The following GBP2 variants were observed in gnomAD, a reference collection of about 807,000 sequenced individuals.
The protein encoded by GBP2 is guanylate-binding protein 2.
Under a neutral mutation model 60.8 loss-of-function variants are expected in GBP2, and 54 were observed. The observed-to-expected ratio is 0.89, with a 90% CI of 0.71 to 1.11. GBP2 has a LOEUF of 1.11. Among genes scored for constraint, GBP2 ranks in the 50% most tolerant of loss-of-function variants. The pLI, the probability that GBP2 is intolerant of heterozygous loss-of-function variation, is 0.00. For missense variants in GBP2, 665 were observed against 703.3 expected (o/e 0.95, Z 0.62); for synonymous variants, 243 against 256.5 (o/e 0.95, Z 0.50).
At position 89,121,172 on chromosome 1, in the gene GBP2, C is replaced by T. The variant is rs375271390; in HGVS notation, c.289G>A (p.Asp97Asn). ...KKPEHTLVLL[D>N]TEGLGDIEKG... Reference sequence around the variant, plus strand: ...TCTATATCTCCCAGGCCCTCAGTGTCGAGCAGAACTAGGGTGTGTTCTGGC... The same window carrying T: ...TCTATATCTCCCAGGCCCTCAGTGTTGAGCAGAACTAGGGTGTGTTCTGGC... Residue 97 changes from aspartate (D) to asparagine (N), a missense_variant, in exon 3 of 11, where the codon GAC becomes AAC. Physicochemically the swap from Asp to Asn is conservative, Grantham distance 23. Transcript: ENST00000370466. 27 of 1,612,570 alleles carry T rather than the reference C, an allele frequency of 1.7e-5. No homozygotes were observed. Among genetic ancestry groups the T allele is most frequent in the African/African-American group, 1.2e-4 (9 of 74,776 alleles).
rs150998626 is a variant in GBP2, at chr1:89,119,955, T to C, written c.428+224A>G. The C allele has an allele frequency of 9.7e-4, 491 of 504,460 alleles. 2 individuals are homozygous for C. The highest frequency in any genetic ancestry group is 7.8e-3 in the African/African-American group (400 of 51,510). 31.2% of individuals were successfully genotyped at this position (504,460 alleles called of 1,614,324 possible). On this transcript the variant is annotated intron_variant, in intron 4 of 10. Coordinates refer to ENST00000370466, the MANE Select transcript of GBP2 (RefSeq NM_004120.5). ...ATAGGAGATTAAGTCAGATAGAGGA[T>C]ATACAGAGTCTTGGGTGGCTGAGTA...
At chr1:89,110,302 T>C (rs748796715) in intron 8 of GBP2, 36 bp from the exon 9 acceptor site, 9 of 1,512,256 alleles carry the variant, frequency 6.0e-6, no homozygotes, top group Non-Finnish European at 8.3e-6. Context: ...GAAGAAAGAG[T>C]GATTGTGGGT....
chr1:89,113,461 T>C (rs1681206399), intron 7 of GBP2, among the ~76,000 whole-genome samples: 1 of 152,238 alleles, frequency 6.6e-6, no homozygotes, highest in Admixed American at 6.5e-5. Context: ...TAGCAACGTA[T>C]CATTTATAAG....
rs1446005315 is a variant in GBP2 at position 89,107,828 on chromosome 1, A to G, written c.*347T>C. On this transcript the variant is annotated 3_prime_UTR_variant, in exon 11 of 11. Coordinates refer to ENST00000370466, the MANE Select transcript of GBP2 (RefSeq NM_004120.5). ...ATACAGTAAGGGTGGTGCATATGAGAGAAAAAAATCTACCCAGAACAGAAA... is the reference window on the plus strand; with the variant it reads ...ATACAGTAAGGGTGGTGCATATGAGGGAAAAAAATCTACCCAGAACAGAAA... Among the ~76,000 whole-genome samples the G allele has an allele frequency of 6.6e-6, 1 of 152,230 alleles. No homozygotes were observed. Among genetic ancestry groups the G allele is most frequent in the East Asian group, 1.9e-4 (1 of 5,202 alleles).
At chr1:89,117,469 T>A (rs1455767956) in intron 5 of GBP2, 108 bp downstream of exon 5, 2 of 1,087,716 alleles carry the variant, frequency 1.8e-6, no homozygotes, top group East Asian at 2.4e-5. Flanking sequence ...AGCAGAACAG[T>A]CAGAAAAATA....
chr1:89,115,988 T>C (rs1368317990), intron 6 of GBP2, among the ~76,000 whole-genome samples: 1 of 149,864 alleles, frequency 6.7e-6, no homozygotes, highest in Non-Finnish European at 1.5e-5. Context: ...CTCTATATGC[T>C]TTGGTTAGCT....
intron 1 of GBP2, among the ~76,000 whole-genome samples, chr1:89,123,490 A>C (rs1007448695): frequency 2.0e-5 from 3 of 152,206 alleles, no homozygotes; most frequent in Admixed American, 2.0e-4. Context: ...GTCATTATAC[A>C]TAATAAATTT....
At chr1:89,121,571 C>T (rs954901906) in intron 2 of GBP2, among the ~76,000 whole-genome samples, 1 of 152,178 alleles carries the variant, frequency 6.6e-6, no homozygotes, top group Non-Finnish European at 1.5e-5. Flanking sequence ...CAGAAAGGCA[C>T]ATTTATACCC....
chr1:89,116,788 T>C (rs1039989157), intron 6 of GBP2, among the ~76,000 whole-genome samples: 3 of 150,080 alleles, frequency 2.0e-5, no homozygotes, highest in Admixed American at 2.0e-4. Flanking sequence ...CTTTTCTTTT[T>C]TTATTCTCCT....
intron 4 of GBP2, 57 bp downstream of exon 4, chr1:89,120,122 A>G: frequency 7.7e-7 from 1 of 1,293,892 alleles, no homozygotes. Context: ...ACTTGGTGAA[A>G]AAATGAAGCT....
In GBP2 at chr1:89,107,250, T is replaced by C. The variant is rs923511738; in HGVS notation, c.*925A>G. ...CATTTACCCTGAGTAGCTTTGAGGA[T>C]ATAATGTCATAGCAGAGGAGCAGAG... is the stretch of plus-strand genomic sequence containing the variant. On this transcript the variant is annotated 3_prime_UTR_variant, in exon 11 of 11. Coordinates refer to ENST00000370466, the MANE Select transcript of GBP2 (RefSeq NM_004120.5). Among the ~76,000 whole-genome samples, 1 of 152,008 alleles carries C rather than the reference T, an allele frequency of 6.6e-6. No homozygotes were observed. Among genetic ancestry groups the C allele is most frequent in the South Asian group, 2.1e-4 (1 of 4,808 alleles).
chr1:89,110,221 C>G lies in GBP2; in HGVS notation c.1408G>C (p.Ala470Pro). 2 of 1,613,874 alleles carry G rather than the reference C, an allele frequency of 1.2e-6. No homozygotes were observed. The highest frequency in any genetic ancestry group is 1.7e-6 in the Non-Finnish European group (2 of 1,179,908). Residue 470 changes from alanine (A) to proline (P), a missense_variant, in exon 9 of 11, where the codon GCT becomes CCT. By Grantham distance (27) the Ala-to-Pro change is conservative. Coordinates refer to ENST00000370466, the MANE Select transcript of GBP2 (RefSeq NM_004120.5). ...KKYLESKEDVADALLQTDQSL... is the reference protein window; with the variant it reads ...KKYLESKEDVPDALLQTDQSL... ...TGATCAGTCTGTAGAAGTGCATCAG[C>G]CACATCCTCCTTGGACTCCAAATAT...
chr1:89,122,045 T>C, intron 1 of GBP2, 62 bp from the exon 2 acceptor site: 9 of 1,222,000 alleles, frequency 7.4e-6, no homozygotes, highest in Non-Finnish European at 1.0e-5. Flanking sequence ...TATGCTGAAC[T>C]TTACAATATG....
rs1402010224 is a variant in GBP2, at chr1:89,108,156, A to T, written c.*19T>A. 6.7e-7 allele frequency: 1 copy of T among 1,484,896 alleles called. No homozygotes were observed. The highest frequency in any genetic ancestry group is 1.1e-5 in the South Asian group (1 of 87,502). The allele number at this position is 1,484,896 out of a possible 1,614,324, so 92.0% of individuals were successfully genotyped here. A position where few individuals can be genotyped will look rare whatever the true frequency, so the allele number is the denominator to read the frequency against. ...TTGGGGAGAGGGAGCTGGACAGGCAAATTTTGCTCCTTGGACTTTTAGAGT... is the reference window on the plus strand; with the variant it reads ...TTGGGGAGAGGGAGCTGGACAGGCATATTTTGCTCCTTGGACTTTTAGAGT... On this transcript the variant is annotated 3_prime_UTR_variant, in exon 11 of 11. Transcript: ENST00000370466.
rs746868670 is a variant in GBP2, at chr1:89,119,525, GT to G, written c.428+653del. 5.9e-5 allele frequency: 9 copies of G among 152,268 alleles called. No individual in the cohort carries two copies. In the South Asian group the frequency reaches 1.9e-3, roughly 32 times the overall value. 9.4% of individuals were successfully genotyped at this position (152,268 alleles called of 1,614,324 possible). A position where few individuals can be genotyped will look rare whatever the true frequency, so the allele number is the denominator to read the frequency against. On this transcript the variant is annotated intron_variant, in intron 4 of 10. Coordinates refer to ENST00000370466, the MANE Select transcript of GBP2 (RefSeq NM_004120.5). Reference sequence around the variant, plus strand: ...CAGGGTGTTAAATAATTGTCTATTGGTTGCTAGTCTCTAAAAAGACACTAGG... The same window carrying G: ...CAGGGTGTTAAATAATTGTCTATTGGTGCTAGTCTCTAAAAAGACACTAGG...
chr1:89,108,708 C>G (rs1380230382), intron 10 of GBP2, among the ~76,000 whole-genome samples: 1 of 152,020 alleles, frequency 6.6e-6, no homozygotes, highest in Non-Finnish European at 1.5e-5. Flanking sequence ...AGTGTTTGAT[C>G]AGGGAATTTA....
intron 4 of GBP2, 94 bp from the exon 5 acceptor site, chr1:89,117,867 T>G: frequency 2.1e-6 from 2 of 930,448 alleles, no homozygotes; most frequent in Non-Finnish European, 1.6e-6. Context: ...TTTCTTTTTA[T>G]TAGCTCATTC....
chr1:89,109,605 G>T, intron 10 of GBP2, 72 bp downstream of exon 10: 2 of 1,406,772 alleles, frequency 1.4e-6, no homozygotes, highest in South Asian at 1.2e-5. Flanking sequence ...GGAGGCATTA[G>T]GTTCTCAACC....
chr1:89,123,103 A>T (rs1570325197), intron 1 of GBP2, among the ~76,000 whole-genome samples: 1 of 152,148 alleles, frequency 6.6e-6, no homozygotes. Flanking sequence ...GGTACTATGG[A>T]CGTGCTTCCA....
Sources: gnomAD v4.1 joint callset for allele counts (sites outside exome capture counted in the v4.1 genomes callset) on GRCh38, gnomAD v4.1.1 for gene constraint, MANE v1.5 for transcripts, NCBI Gene and HGNC (gene_info 2026-07-23, HGNC 2026-07-21) for gene names.